SGCZ: variants seen among roughly 807,000 people sequenced by gnomAD.
The protein encoded by SGCZ is zeta-sarcoglycan.
In SGCZ, 40 loss-of-function variants were observed where a neutral mutation model predicts 41.3. The ratio of observed to expected loss-of-function variants is 0.97; its 90% CI spans 0.75 to 1.26. SGCZ has a LOEUF of 1.26. Ranked by LOEUF, SGCZ falls within the 50% of genes most tolerant of loss-of-function variation. The pLI is 0.00. For missense variants in SGCZ, 552 were observed against 369.8 expected (o/e 1.49, Z -4.04); for synonymous variants, 206 against 137.5 (o/e 1.50, Z -3.49).
chr8:15,057,086 C>T (rs998849960), intron 1 of SGCZ, among the ~76,000 whole-genome samples: 5 of 152,142 alleles, frequency 3.3e-5, no homozygotes, highest in Admixed American at 2.0e-4. Flanking sequence ...CATGCTCTGG[C>T]ATCGCTGTTC....
chr8:14,381,603 C>A (rs930398521), intron 2 of SGCZ, among the ~76,000 whole-genome samples: 2 of 151,454 alleles, frequency 1.3e-5, no homozygotes, highest in Admixed American at 1.3e-4. Context: ...GATGAAACCC[C>A]GGTTCTACAA....
At chr8:14,610,653 G>C (rs1273577423) in intron 1 of SGCZ, among the ~76,000 whole-genome samples, 1 of 151,964 alleles carries the variant, frequency 6.6e-6, no homozygotes, top group Non-Finnish European at 1.5e-5. Context: ...TCCCCTACAG[G>C]GTGCATAGAA....
intron 1 of SGCZ, among the ~76,000 whole-genome samples, chr8:14,629,800 T>C (rs972981228): frequency 8.5e-5 from 13 of 152,084 alleles, no homozygotes; most frequent in African/African-American, 3.1e-4. Context: ...TATTAATATG[T>C]AAAATTGAGA....
chr8:15,196,567 T>C (rs924140621), intron 1 of SGCZ, among the ~76,000 whole-genome samples: 1 of 151,954 alleles, frequency 6.6e-6, no homozygotes, highest in African/African-American at 2.4e-5. Flanking sequence ...AAGTTTTCAT[T>C]TGACTACAGA....
intron 2 of SGCZ, among the ~76,000 whole-genome samples, chr8:14,537,196 G>C (rs1320965682): frequency 3.3e-5 from 5 of 151,886 alleles, no homozygotes; most frequent in African/African-American, 1.2e-4. Flanking sequence ...AGTCTAATCA[G>C]AGTCTACTGA....
At chr8:14,505,434 T>C (rs1212744387) in intron 2 of SGCZ, among the ~76,000 whole-genome samples, 4 of 152,082 alleles carry the variant, frequency 2.6e-5, no homozygotes, top group Non-Finnish European at 4.4e-5. Context: ...AGACAATCCA[T>C]TGTTTCTTTT....
chr8:15,133,815 T>C (rs1808006635), intron 1 of SGCZ, among the ~76,000 whole-genome samples: 1 of 152,168 alleles, frequency 6.6e-6, no homozygotes, highest in Non-Finnish European at 1.5e-5. Flanking sequence ...ATGAGCCTAA[T>C]GAGATTCTTA....
chr8:14,640,275 C>T (rs995087106), intron 1 of SGCZ, among the ~76,000 whole-genome samples: 1 of 151,650 alleles, frequency 6.6e-6, no homozygotes, highest in East Asian at 1.9e-4. Flanking sequence ...CTGTTGCTAT[C>T]GTATCTTTGC....
chr8:15,012,128 A>G (rs1358994940), intron 1 of SGCZ, among the ~76,000 whole-genome samples: 5 of 152,118 alleles, frequency 3.3e-5, no homozygotes, highest in African/African-American at 4.8e-5. Context: ...TATACTGTAC[A>G]TGCACATATG....
intron 3 of SGCZ, among the ~76,000 whole-genome samples, chr8:14,277,765 G>C (rs976266176): frequency 6.6e-6 from 1 of 152,100 alleles, no homozygotes; most frequent in Non-Finnish European, 1.5e-5. Flanking sequence ...ACAACCCCAA[G>C]TGAGGGGAGG....
At chr8:15,142,537 G>GAGCA (rs1230993629) in intron 1 of SGCZ, among the ~76,000 whole-genome samples, 1 of 151,998 alleles carries the variant, frequency 6.6e-6, no homozygotes, top group Non-Finnish European at 1.5e-5. Flanking sequence ...AAGACTCACA[G>GAGCA]AGCACACTAC....
intron 1 of SGCZ, among the ~76,000 whole-genome samples, chr8:14,930,497 A>T (rs1464602711): frequency 6.6e-6 from 1 of 152,050 alleles, no homozygotes; most frequent in Non-Finnish European, 1.5e-5. Flanking sequence ...TATATACCCA[A>T]AGGATTATAA....
chr8:14,659,645 A>C (rs921393763), intron 1 of SGCZ, among the ~76,000 whole-genome samples: 5 of 152,146 alleles, frequency 3.3e-5, no homozygotes, highest in African/African-American at 1.2e-4. Context: ...TGGTCTTGGA[A>C]ACCCCCTTTT....
chr8:15,052,001 A>C (rs1016375510), intron 1 of SGCZ, among the ~76,000 whole-genome samples: 2 of 152,142 alleles, frequency 1.3e-5, no homozygotes, highest in East Asian at 3.9e-4. Context: ...GAGAATGTTG[A>C]AGTCACAACA....
rs1027632861 is a variant in SGCZ at position 14,088,880 on chromosome 8, A to G, written c.*1563T>C. Among the ~76,000 whole-genome samples, 2 of 151,950 alleles carry G rather than the reference A, an allele frequency of 1.3e-5. No homozygotes were observed. Among genetic ancestry groups the G allele is most frequent in the African/African-American group, 2.4e-5 (1 of 41,412 alleles). On this transcript the variant is annotated 3_prime_UTR_variant, in exon 8 of 8. Coordinates refer to ENST00000382080, the MANE Select transcript of SGCZ (RefSeq NM_139167.4). Reference sequence around the variant, plus strand: ...TCCCAGTTCACTCTGAGCTGTAGACACCTGAACTCCAAAGACTCTACAGCC... The same window carrying G: ...TCCCAGTTCACTCTGAGCTGTAGACGCCTGAACTCCAAAGACTCTACAGCC...
intron 6 of SGCZ, among the ~76,000 whole-genome samples, chr8:14,107,857 G>T (rs1175591804): frequency 6.6e-6 from 1 of 151,990 alleles, no homozygotes; most frequent in South Asian, 2.1e-4. Context: ...TATGTTGCCA[G>T]GTCTTGAACT....
intron 1 of SGCZ, among the ~76,000 whole-genome samples, chr8:15,079,675 C>T (rs957528001): frequency 6.6e-5 from 10 of 152,072 alleles, no homozygotes; most frequent in East Asian, 1.9e-4. Context: ...AAAGGTTTTC[C>T]GATCCATTAT....
chr8:14,978,433 T>G lies in SGCZ; in HGVS notation c.39+259152A>C, dbSNP rs938684913. 6.8e-5 allele frequency among the ~76,000 whole-genome samples: 7 copies of G among 103,510 alleles called. 1 individual carries two copies. The highest frequency in any genetic ancestry group is 3.5e-4 in the African/African-American group (7 of 19,794). 67.9% of individuals were successfully genotyped at this position (103,510 alleles called of 152,430 possible). ...TTGTAGTGAGCCAAGATCGCGGCAT[T>G]GCACTCTAGCCTGGAGGACCGAGTG... On this transcript the variant is annotated intron_variant, in intron 1 of 7. Transcript: ENST00000382080.
At chr8:15,066,193 A>G (rs1805136018) in intron 1 of SGCZ, among the ~76,000 whole-genome samples, 2 of 151,822 alleles carry the variant, frequency 1.3e-5, no homozygotes, top group Non-Finnish European at 2.9e-5. Context: ...CTGTAGTCCC[A>G]GCTACTGGGG....
Sources: gnomAD v4.1 joint callset for allele counts (sites outside exome capture counted in the v4.1 genomes callset) on GRCh38, gnomAD v4.1.1 for gene constraint, MANE v1.5 for transcripts, NCBI Gene and HGNC (gene_info 2026-07-23, HGNC 2026-07-21) for gene names.